Variants in CRYBG1 observed in about 807,000 individuals in gnomAD.
CRYBG1 encodes the protein beta/gamma crystallin domain-containing protein 1.
Under a neutral mutation model 189.2 loss-of-function variants are expected in CRYBG1, and 139 were observed. The observed-to-expected ratio is 0.73, with a 90% confidence interval of 0.64 to 0.85. The LOEUF is 0.85. Ranked by LOEUF, CRYBG1 falls within the 40% of genes least tolerant of loss-of-function variation. The pLI is 0.00. For missense variants in CRYBG1, 2,611 were observed against 2,675.8 expected, an observed-to-expected ratio of 0.98 and a Z score of 0.53; for synonymous variants, 1,023 against 1,017.1, an observed-to-expected ratio of 1.01 and a Z score of -0.11.
At chr6:106,559,823 A>C (rs1027921988) in intron 18 of CRYBG1, among the ~76,000 whole-genome samples, 1 of 152,120 alleles carries the variant, frequency 6.6e-6, no homozygotes, top group Admixed American at 6.6e-5. Flanking sequence ...AGCTGGGCGC[A>C]GTGACTCACG....
chr6:106,386,089 G>A (rs1770384234), intron 1 of CRYBG1, among the ~76,000 whole-genome samples: 1 of 152,166 alleles, frequency 6.6e-6, no homozygotes, highest in South Asian at 2.1e-4. Context: ...TGGCTTCATT[G>A]GATAGCCAGT....
chr6:106,487,043 C>T (rs1772606005), intron 2 of CRYBG1, among the ~76,000 whole-genome samples: 1 of 151,854 alleles, frequency 6.6e-6, no homozygotes, highest in African/African-American at 2.4e-5. Context: ...GTAGTACCAA[C>T]CTTTGTTTCC....
intron 1 of CRYBG1, among the ~76,000 whole-genome samples, chr6:106,421,972 G>A (rs754223330): frequency 4.7e-5 from 2 of 42,192 alleles, no homozygotes; most frequent in Non-Finnish European, 1.3e-4. Context: ...AGAACAGCAT[G>A]GGAAAGACCC....
intron 2 of CRYBG1, among the ~76,000 whole-genome samples, chr6:106,459,731 A>C (rs1184688479): frequency 6.6e-6 from 1 of 152,096 alleles, no homozygotes; most frequent in Non-Finnish European, 1.5e-5. Flanking sequence ...TCTTTTATAA[A>C]CAACACCATC....
At chr6:106,379,429 T>G (rs151305473) in intron 1 of CRYBG1, among the ~76,000 whole-genome samples, 3,278 of 151,668 alleles carry the variant, frequency 0.022, 118 homozygotes, top group African/African-American at 0.075. Context: ...GCCTGGCTAA[T>G]TTTTTGTATT....
intron 1 of CRYBG1, among the ~76,000 whole-genome samples, chr6:106,400,328 C>T (rs1020346651): frequency 1.3e-5 from 2 of 152,140 alleles, no homozygotes; most frequent in Non-Finnish European, 1.5e-5. Context: ...TTCACTTGCA[C>T]ATATAATGAT....
At chr6:106,478,229 A>T (rs918367073) in intron 2 of CRYBG1, among the ~76,000 whole-genome samples, 1 of 152,244 alleles carries the variant, frequency 6.6e-6, no homozygotes, top group Non-Finnish European at 1.5e-5. Flanking sequence ...CACAAAAATT[A>T]AAAAGAAAAT....
rs1562285541 is a variant in CRYBG1 at position 106,361,974 on chromosome 6, T to TTCTTTCTTTCTTTCTTTC, written c.173+894_173+895insCTTTCTTTCTTTCTTTCT. On this transcript the variant is annotated intron_variant, in intron 1 of 21. Transcript: ENST00000633556. ...TTCCTTTTATTTCTTTCTTTCTTTTTTTTTTTTTTTTTCTGAGACGGAGTC... is the reference window on the plus strand; with the variant it reads ...TTCCTTTTATTTCTTTCTTTCTTTTTTCTTTCTTTCTTTCTTTCTTTTTTTTTTTTCTGAGACGGAGTC... Among the ~76,000 whole-genome samples the TTCTTTCTTTCTTTCTTTC allele has an allele frequency of 1.0e-4, 13 of 128,138 alleles. 1 individual carries two copies. The highest frequency in any genetic ancestry group is 3.9e-4 in the African/African-American group (12 of 30,384). The allele number at this position is 128,138 out of a possible 152,430, so 84.1% of individuals were successfully genotyped here.
intron 8 of CRYBG1, among the ~76,000 whole-genome samples, chr6:106,533,753 G>A (rs1328882434): frequency 1.3e-5 from 2 of 152,186 alleles, no homozygotes. Flanking sequence ...AGGAGAGAGA[G>A]TGAGATTCAG....
At chr6:106,425,484 A>T (rs76795714) in intron 1 of CRYBG1, among the ~76,000 whole-genome samples, 1 of 152,086 alleles carries the variant, frequency 6.6e-6, no homozygotes. Flanking sequence ...ATGCCTTTGC[A>T]TACAGCCTCA....
At chr6:106,423,545 A>G (rs1331407335) in intron 1 of CRYBG1, among the ~76,000 whole-genome samples, 1 of 152,066 alleles carries the variant, frequency 6.6e-6, no homozygotes, top group African/African-American at 2.4e-5. Flanking sequence ...AGCTGCATTG[A>G]AGCACTAGAA....
rs879826 is a variant in CRYBG1, at chr6:106,441,502, C to G, written c.174-10192C>G. ...TCAGTCAGCAAAACTGTATCCCTGA[C>G]GTGTTGCTAATACATAAAGATTTTT... On this transcript the variant is annotated intron_variant, in intron 1 of 21. Coordinates refer to ENST00000633556, the MANE Select transcript of CRYBG1 (RefSeq NM_001371242.2). Among the ~76,000 whole-genome samples, 50 of 152,048 alleles carry G rather than the reference C, an allele frequency of 3.3e-4. No homozygotes were observed. The East Asian group carries it at 9.5e-3, about 29-fold the overall frequency.
At chr6:106,442,442 C>G (rs138776106) in intron 1 of CRYBG1, among the ~76,000 whole-genome samples, 1 of 152,118 alleles carries the variant, frequency 6.6e-6, no homozygotes, top group Non-Finnish European at 1.5e-5. Flanking sequence ...ACAAAATAGG[C>G]AGATGATGCA....
rs1452437469 is a variant in CRYBG1, at chr6:106,549,390, T to C, written c.5313-2462T>C. Among the ~76,000 whole-genome samples, 3 of 152,186 alleles carry C rather than the reference T, an allele frequency of 2.0e-5. No homozygotes were observed. The South Asian group carries it at 6.2e-4, about 31-fold the overall frequency. ...TTCTTCAAAGTTATCTGAAAGTTAATGTCATGGCCACAGGTGGAGCCAGGT... is the reference window on the plus strand; with the variant it reads ...TTCTTCAAAGTTATCTGAAAGTTAACGTCATGGCCACAGGTGGAGCCAGGT... On this transcript the variant is annotated intron_variant, in intron 13 of 21. Transcript: ENST00000633556.
At chr6:106,405,330 C>G (rs1053112939) in intron 1 of CRYBG1, among the ~76,000 whole-genome samples, 12 of 152,246 alleles carry the variant, frequency 7.9e-5, no homozygotes, top group African/African-American at 2.7e-4. Context: ...GACTGTCTCT[C>G]TAGATTCCTC....
At chr6:106,465,193 T>C (rs1183017283) in intron 2 of CRYBG1, among the ~76,000 whole-genome samples, 1 of 152,220 alleles carries the variant, frequency 6.6e-6, no homozygotes, top group African/African-American at 2.4e-5. Context: ...CACGTGACCT[T>C]TTGCCTCTCC....
intron 1 of CRYBG1, among the ~76,000 whole-genome samples, chr6:106,370,882 G>A (rs1487882565): frequency 6.6e-6 from 1 of 151,994 alleles, no homozygotes; most frequent in East Asian, 1.9e-4. Context: ...AACTAACAAC[G>A]ATGAGACTGT....
At chr6:106,510,566 G>A (rs1413209851) in intron 2 of CRYBG1, among the ~76,000 whole-genome samples, 2 of 152,168 alleles carry the variant, frequency 1.3e-5, no homozygotes, top group Non-Finnish European at 2.9e-5. Context: ...GGCTCCAGCC[G>A]TGCGACCCCG....
At chr6:106,492,663 A>G (rs1772751464) in intron 2 of CRYBG1, among the ~76,000 whole-genome samples, 1 of 152,210 alleles carries the variant, frequency 6.6e-6, no homozygotes, top group Non-Finnish European at 1.5e-5. Context: ...GGCCATCCAT[A>G]TATGGTAGTT....
Sources: gnomAD v4.1 joint callset for allele counts (sites outside exome capture counted in the v4.1 genomes callset) on GRCh38, gnomAD v4.1.1 for gene constraint, MANE v1.5 for transcripts, NCBI Gene and HGNC (gene_info 2026-07-23, HGNC 2026-07-21) for gene names.